Variants in ARGLU1 observed in about 807,000 individuals in gnomAD.
The protein encoded by ARGLU1 is arginine and glutamate rich 1.
In ARGLU1, 9 loss-of-function variants were observed where a neutral mutation model predicts 37.6. The observed-to-expected ratio is 0.24, with a 90% CI of 0.14 to 0.42. ARGLU1 has a LOEUF of 0.42. Ranked by LOEUF, ARGLU1 falls within the 10% of genes least tolerant of loss-of-function variation. The probability of loss-of-function intolerance (pLI) is 1.00; values close to 1 mark genes in which losing one functional copy is unlikely to be tolerated. For missense variants in ARGLU1, 211 were observed against 359.2 expected (o/e 0.59, Z 3.34); for synonymous variants, 166 against 138.5 (o/e 1.20, Z -1.39).
At chr13:106,563,014 A>AAAC in intron 1 of ARGLU1, among the ~76,000 whole-genome samples, 1 of 149,504 alleles carries the variant, frequency 6.7e-6, no homozygotes, top group East Asian at 1.9e-4. Context: ...AAAAACAAAA[A>AAAC]AAAAAACCAC....
At chr13:106,548,991 T>G (rs537956685) in intron 3 of ARGLU1, among the ~76,000 whole-genome samples, 59 of 152,316 alleles carry the variant, frequency 3.9e-4, no homozygotes, top group Admixed American at 1.1e-3. Flanking sequence ...GACCTTGTGA[T>G]CCGCCTGCCC....
chr13:106,568,026 A>G lies in ARGLU1; in HGVS notation c.-107T>C, dbSNP rs1881025988. Reference sequence around the variant, plus strand: ...GGCGGTTCTACCGAGGCCGGAGGAAAGAAAGGTGTCGGCCAACGGACTTTA... The same window carrying G: ...GGCGGTTCTACCGAGGCCGGAGGAAGGAAAGGTGTCGGCCAACGGACTTTA... On this transcript the variant is annotated 5_prime_UTR_variant, in exon 1 of 4. Transcript: ENST00000400198. 1 of 1,448,826 alleles carries G rather than the reference A, an allele frequency of 6.9e-7. No individual in the cohort carries two copies. Among genetic ancestry groups the G allele is most frequent in the African/African-American group, 1.5e-5 (1 of 67,970 alleles). 89.7% of individuals were successfully genotyped at this position (1,448,826 alleles called of 1,614,324 possible).
intron 2 of ARGLU1, chr13:106,558,201 G>C: frequency 1.0e-6 from 1 of 984,978 alleles, no homozygotes; most frequent in African/African-American, 1.7e-5. Flanking sequence ...CTCGCTACAA[G>C]ACAGCACCAT....
In ARGLU1 at chr13:106,544,110, T is replaced by C. The variant is rs1880330584; in HGVS notation, c.708A>G (p.Glu236=). ...IVEEQRKIHE[E]RMKLEQERQR... ...GTCGTTCTTGTTCTAGTTTCATCCT[T>C]TCCTCATGAATCTTTCTTTGTTCTT... is the stretch of plus-strand genomic sequence containing the variant. Residue 236 remains glutamate (E), a synonymous_variant, in exon 4 of 4, where the codon GAA becomes GAG. Transcript: ENST00000400198. The C allele has an allele frequency of 6.2e-7, 1 of 1,602,436 alleles. No individual in the cohort carries two copies. The highest frequency in any genetic ancestry group is 1.1e-5 in the South Asian group (1 of 87,572).
chr13:106,556,470 A>G (rs2138971108), intron 3 of ARGLU1, among the ~76,000 whole-genome samples: 1 of 152,290 alleles, frequency 6.6e-6, no homozygotes, highest in Admixed American at 6.5e-5. Flanking sequence ...ACTCAGACCC[A>G]CTTGGATATT....
intron 1 of ARGLU1, among the ~76,000 whole-genome samples, chr13:106,563,009 CA>C (rs71809659): frequency 0.4 from 36,988 of 92,648 alleles, 6,645 homozygotes; most frequent in East Asian, 0.5. Context: ...AAAAAAAAAA[CA>C]AAAAAAAAAA....
rs1380987450 is a variant in ARGLU1 at position 106,543,672 on chromosome 13, C to T, written c.*324G>A. 5.4e-6 allele frequency: 1 copy of T among 185,078 alleles called. No homozygotes were observed. Among genetic ancestry groups the T allele is most frequent in the African/African-American group, 2.4e-5 (1 of 42,512 alleles). The allele number at this position is 185,078 out of a possible 1,614,324, so 11.5% of individuals were successfully genotyped here. A position where few individuals can be genotyped will look rare whatever the true frequency, so the allele number is the denominator to read the frequency against. On this transcript the variant is annotated 3_prime_UTR_variant, in exon 4 of 4. Transcript: ENST00000400198. Reference sequence around the variant, plus strand: ...AGCAAACAGAGTATAACTCTGAAGTCAGTGGGGTCAGTAAAAGCCTTATCA... The same window carrying T: ...AGCAAACAGAGTATAACTCTGAAGTTAGTGGGGTCAGTAAAAGCCTTATCA...
intron 2 of ARGLU1, chr13:106,559,186 A>C (rs1158883942): frequency 2.1e-6 from 3 of 1,459,700 alleles, no homozygotes; most frequent in South Asian, 1.2e-5. Context: ...ACACTTCTCA[A>C]ATAGCCAGTT....
At position 106,567,819 on chromosome 13, in the gene ARGLU1, T is replaced by C; in HGVS notation, c.101A>G (p.Lys34Arg). The change falls in exon 1 of 4, where the codon AAG (lysine) becomes AGG (arginine). Residue 34 changes from lysine to arginine, a missense_variant. Lys to Arg is a conservative substitution (Grantham distance 26). Coordinates refer to ENST00000400198, the MANE Select transcript of ARGLU1 (RefSeq NM_018011.4). This position sits in a 1 kb window ranked among gnomAD's most constrained non-coding sequence, Gnocchi z 4.3. ...TTTGGAACGCTTCCGCACGCGCTCCTTGTCCCGGGATCGCGACCGGGACCG... is the reference window on the plus strand; with the variant it reads ...TTTGGAACGCTTCCGCACGCGCTCCCTGTCCCGGGATCGCGACCGGGACCG... ...RSRSRSRSRD[K>R]ERVRKRSKSR... 6.2e-7 allele frequency: 1 copy of C among 1,613,682 alleles called. No homozygotes were observed. The highest frequency in any genetic ancestry group is 2.2e-5 in the East Asian group (1 of 44,822).
chr13:106,563,561 T>C (rs978580192), intron 1 of ARGLU1, among the ~76,000 whole-genome samples: 1 of 152,108 alleles, frequency 6.6e-6, no homozygotes, highest in Non-Finnish European at 1.5e-5. Context: ...CCCAGCACTT[T>C]GGGAGGCTGA....
At position 106,557,034 on chromosome 13, in the gene ARGLU1, TG is replaced by T. The variant is rs1465167482; in HGVS notation, c.657+13del. 3 of 1,605,036 alleles carry T rather than the reference TG, an allele frequency of 1.9e-6. No individual in the cohort carries two copies. The highest frequency in any genetic ancestry group is 2.6e-6 in the Non-Finnish European group (3 of 1,172,384). The stretch of plus-strand genomic sequence containing the variant: ...CAAAATACAAAACACTTTTCATGTA[TG>T]CTTTACACTTACCAGTTTGGCTTGT... On this transcript the variant is annotated intron_variant, in intron 3 of 3. Coordinates refer to ENST00000400198, the MANE Select transcript of ARGLU1 (RefSeq NM_018011.4). This position sits in a 1 kb window ranked among gnomAD's most constrained non-coding sequence, Gnocchi z 5.0.
intron 3 of ARGLU1, among the ~76,000 whole-genome samples, chr13:106,546,463 C>T (rs796321648): frequency 5.3e-5 from 8 of 152,332 alleles, no homozygotes; most frequent in East Asian, 3.9e-4. Flanking sequence ...CCTACCTGTA[C>T]ATCAGAATCT....
Position 106,557,045 on chromosome 13 carries a change from T to C in ARGLU1, c.657+3A>G, listed in dbSNP as rs775682019. 11 of 1,611,500 alleles carry C rather than the reference T, an allele frequency of 6.8e-6. No individual in the cohort carries two copies. In the Middle Eastern group the frequency reaches 6.6e-4, roughly 97 times the overall value. ...ACACTTTTCATGTATGCTTTACACT[T>C]ACCAGTTTGGCTTGTGCTTCTGCAA... On this transcript the variant is annotated splice_donor_region_variant and intron_variant, in intron 3 of 3. Coordinates refer to ENST00000400198, the MANE Select transcript of ARGLU1 (RefSeq NM_018011.4). This position sits in a 1 kb window ranked among gnomAD's most constrained non-coding sequence, Gnocchi z 5.0.
rs1459870661 is a variant in ARGLU1 at position 106,541,867 on chromosome 13, ATTT to A, written c.*2126_*2128del. ...CTTAACTTCTAATAGACTGGGGGAA[ATTT>A]TTAAGTTTTCTATGTACACAAAGGC... On this transcript the variant is annotated 3_prime_UTR_variant, in exon 4 of 4. Transcript: ENST00000400198. 6.6e-6 allele frequency: 1 copy of A among 152,206 alleles called. No individual in the cohort carries two copies. Among genetic ancestry groups the A allele is most frequent in the African/African-American group, 2.4e-5 (1 of 41,462 alleles). 9.4% of individuals were successfully genotyped at this position (152,206 alleles called of 1,614,324 possible).
intron 3 of ARGLU1, among the ~76,000 whole-genome samples, chr13:106,549,698 C>G (rs374477308): frequency 1.3e-5 from 2 of 152,150 alleles, no homozygotes; most frequent in East Asian, 3.9e-4. Flanking sequence ...TCCCTTTACC[C>G]CCTTTTATTC....
At chr13:106,547,839 T>G (rs1260500930) in intron 3 of ARGLU1, among the ~76,000 whole-genome samples, 2 of 152,172 alleles carry the variant, frequency 1.3e-5, no homozygotes, top group Admixed American at 1.3e-4. Context: ...TTGAACCATG[T>G]GATCATTTTG....
At chr13:106,544,741 G>A (rs1394197000) in intron 3 of ARGLU1, among the ~76,000 whole-genome samples, 2 of 152,092 alleles carry the variant, frequency 1.3e-5, no homozygotes, top group African/African-American at 2.4e-5. Context: ...CTCCACTGGG[G>A]CTTTTTGTGT....
At chr13:106,554,653 G>A (rs759981854) in intron 3 of ARGLU1, among the ~76,000 whole-genome samples, 15 of 151,562 alleles carry the variant, frequency 9.9e-5, no homozygotes, top group African/African-American at 2.2e-4. Context: ...TTGGGAGGAC[G>A]GTGCGGGTGG....
chr13:106,567,920 C>A lies in ARGLU1; in HGVS notation c.-1G>T, dbSNP rs777577622. Reference sequence around the variant, plus strand: ...AGCTCCGGCTCCGAGACCGGCCCATCCTTCCGGGAGACGCTCTAACCGCTC... The same window carrying A: ...AGCTCCGGCTCCGAGACCGGCCCATACTTCCGGGAGACGCTCTAACCGCTC... On this transcript the variant is annotated 5_prime_UTR_variant, in exon 1 of 4. Transcript: ENST00000400198. This position sits in a 1 kb window ranked among gnomAD's most constrained non-coding sequence, Gnocchi z 4.3. 6.2e-7 allele frequency: 1 copy of A among 1,606,236 alleles called. No individual in the cohort carries two copies. Among genetic ancestry groups the A allele is most frequent in the Non-Finnish European group, 8.5e-7 (1 of 1,179,044 alleles).
Sources: gnomAD v4.1 joint callset for allele counts (sites outside exome capture counted in the v4.1 genomes callset) on GRCh38, gnomAD v4.1.1 for gene constraint, Gnocchi (gnomAD v3.1) non-coding constraint, MANE v1.5 for transcripts, NCBI Gene and HGNC (gene_info 2026-07-23, HGNC 2026-07-21) for gene names.